Variants in TBC1D26 observed in about 807,000 individuals in gnomAD.
The protein encoded by TBC1D26 is TBC1 domain family, member 26.
In TBC1D26, 19 loss-of-function variants were observed where a neutral mutation model predicts 42.5. The ratio of observed to expected loss-of-function variants is 0.45; its 90% CI spans 0.31 to 0.66. The LOEUF (loss-of-function observed/expected upper bound fraction) is 0.66, where lower values mean the gene tolerates loss of function less well. Among genes scored for constraint, TBC1D26 ranks in the 30% least tolerant of loss-of-function variants. The pLI is 0.06. For synonymous variants in TBC1D26, 97 were observed against 123.5 expected, an observed-to-expected ratio of 0.79 and a Z score of 1.42; for missense variants, 228 against 332.6, an observed-to-expected ratio of 0.69 and a Z score of 2.45.
At chr17:15,740,025 G>C in intron 8 of TBC1D26, 75 bp from the exon 9 acceptor site, 1 of 1,545,380 alleles carries the variant, frequency 6.5e-7, no homozygotes, top group South Asian at 1.2e-5. Context: ...TTCGTTATTT[G>C]GGTTTGTAGA....
intron 1 of TBC1D26, among the ~76,000 whole-genome samples, chr17:15,734,356 G>C (rs1967554203): frequency 6.6e-6 from 1 of 152,144 alleles, no homozygotes; most frequent in Non-Finnish European, 1.5e-5. Context: ...GTCCCCACAG[G>C]AGGAGGTCTC....
intron 9 of TBC1D26, 60 bp from the exon 10 acceptor site, chr17:15,741,062 T>C: frequency 6.3e-7 from 1 of 1,596,588 alleles, no homozygotes; most frequent in Non-Finnish European, 8.5e-7. Flanking sequence ...ACATAAGTCC[T>C]CCCAGGTGGC....
At position 15,738,090 on chromosome 17, in the gene TBC1D26, G is replaced by A; in HGVS notation, c.279+13G>A. On this transcript the variant is annotated intron_variant, in intron 6 of 14. Transcript: ENST00000437605. ...GAGCACCAAGAAGGTAACATGGGGA[G>A]GAAGTGGCCCGCGTGACTGCTCTCT... 6.2e-7 allele frequency: 1 copy of A among 1,614,224 alleles called. No individual in the cohort carries two copies. Among genetic ancestry groups the A allele is most frequent in the South Asian group, 1.1e-5 (1 of 91,080 alleles).
At position 15,740,080 on chromosome 17, in the gene TBC1D26, C is replaced by G. The variant is rs766367747; in HGVS notation, c.498-20C>G. 6 of 1,604,160 alleles carry G rather than the reference C, an allele frequency of 3.7e-6. No homozygotes were observed. In the Admixed American group the frequency reaches 5.1e-5, roughly 14 times the overall value. ...TCTGCACACACACAAAAAAAAAACC[C>G]TCTTTCCCCTCTTTTCTAGGCAGCA... On this transcript the variant is annotated intron_variant, in intron 8 of 14. Coordinates refer to ENST00000437605, the MANE Select transcript of TBC1D26 (RefSeq NM_001388465.1).
intron 10 of TBC1D26, 42 bp from the exon 11 acceptor site, chr17:15,741,900 G>C (rs769032592): frequency 1.3e-6 from 2 of 1,598,214 alleles, no homozygotes; most frequent in East Asian, 4.5e-5. Context: ...TCCACATTTT[G>C]GGCGTGGGGT....
intron 14 of TBC1D26, chr17:15,743,799 T>TAA (rs1374597957): frequency 6.6e-6 from 1 of 151,838 alleles, no homozygotes. Flanking sequence ...CTACTAAAAG[T>TAA]ACAAAAAATT....
At chr17:15,737,802 G>GATGGCATGTC (rs1302979912) in intron 5 of TBC1D26, 195 bp from the exon 6 acceptor site, 1 of 829,268 alleles carries the variant, frequency 1.2e-6, no homozygotes, top group East Asian at 2.7e-5. Context: ...ATGGCCTGAG[G>GATGGCATGTC]ATGGCATGTC....
At position 15,741,964 on chromosome 17, in the gene TBC1D26, C is replaced by G. The variant is rs1269757839; in HGVS notation, c.669C>G (p.Ala223=). 6.2e-7 allele frequency: 1 copy of G among 1,614,104 alleles called. No homozygotes were observed. The highest frequency in any genetic ancestry group is 1.1e-5 in the South Asian group (1 of 91,072). Residue 223 remains alanine, a synonymous_variant, in exon 11 of 15, where the codon GCC becomes GCG. Transcript: ENST00000437605. ...LLAVFYSPNT[A]WLERLLSHQE... ...CAGTATTCTACAGCCCAAATACTGC[C>G]TGGCTCGAGAGGCTCCTATCGCACC...
rs550026100 is a variant in TBC1D26, at chr17:15,743,481, A to G, written c.1022A>G (p.Glu341Gly). The G allele has an allele frequency of 5.6e-5, 56 of 993,414 alleles. No homozygotes were observed. The highest frequency in any genetic ancestry group is 6.4e-5 in the Non-Finnish European group (53 of 833,858). The allele number at this position is 993,414 out of a possible 1,614,324, so 61.5% of individuals were successfully genotyped here. A position where few individuals can be genotyped will look rare whatever the true frequency, so the allele number is the denominator to read the frequency against. Residue 341 changes from glutamate (E) to glycine (G), a missense_variant, in exon 14 of 15, where the codon GAA becomes GGA. Physicochemically the swap from Glu to Gly is moderately conservative, Grantham distance 98. This residue lies in a region of TBC1D26 where 130 missense variants were observed against 168.5 expected (regional missense o/e 0.77). Transcript: ENST00000437605. ...VLRNLQTSMK[E>G]LTKKHWDLPP... ...AGGAACCTTCAAACCTCTATGAAGG[A>G]ACTCACAAAAAAACACTGGGACCTG...
intron 12 of TBC1D26, among the ~76,000 whole-genome samples, 165 bp downstream of exon 12, chr17:15,742,644 T>C (rs1567725402): frequency 6.6e-6 from 1 of 152,190 alleles, no homozygotes; most frequent in Non-Finnish European, 1.5e-5. Context: ...CCCAGCCTCA[T>C]GGGCAGACTG....
At chr17:15,733,908 T>C (rs139583773) in intron 1 of TBC1D26, 138 of 152,208 alleles carry the variant, frequency 9.1e-4, no homozygotes, top group African/African-American at 3.1e-3. Flanking sequence ...CTTTTCTAAG[T>C]GAGAGACACA....
Position 15,735,031 on chromosome 17 carries a change from C to T in TBC1D26, c.-41C>T, listed in dbSNP as rs1967572221. On this transcript the variant is annotated 5_prime_UTR_variant, in exon 2 of 15. Coordinates refer to ENST00000437605, the MANE Select transcript of TBC1D26 (RefSeq NM_001388465.1). The stretch of plus-strand genomic sequence containing the variant: ...CCAGAACAGCCCATCGTGGGGACTT[C>T]ACCCTCAGCAAGTGGACGCCGTTTG... 3 of 435,186 alleles carry T rather than the reference C, an allele frequency of 6.9e-6. No individual in the cohort carries two copies. The highest frequency in any genetic ancestry group is 1.2e-5 in the Non-Finnish European group (3 of 241,816). 27.0% of individuals were successfully genotyped at this position (435,186 alleles called of 1,614,324 possible). A position where few individuals can be genotyped will look rare whatever the true frequency, so the allele number is the denominator to read the frequency against.
intron 5 of TBC1D26, 59 bp from the exon 6 acceptor site, chr17:15,737,938 C>T: frequency 1.2e-6 from 2 of 1,612,024 alleles, no homozygotes; most frequent in Non-Finnish European, 1.7e-6. Context: ...ACCCAGCATC[C>T]ACGGGCCACT....
intron 7 of TBC1D26, 46 bp from the exon 8 acceptor site, chr17:15,738,675 T>C: frequency 6.2e-7 from 1 of 1,613,786 alleles, no homozygotes. Context: ...CAGGGAGTCT[T>C]TTGTCTGTTC....
chr17:15,740,972 G>A (rs1967759692), intron 9 of TBC1D26, 150 bp from the exon 10 acceptor site: 2 of 1,018,890 alleles, frequency 2.0e-6, no homozygotes, highest in Non-Finnish European at 2.9e-6. Flanking sequence ...TCCAGTGCCA[G>A]GGGAGGGGTG....
At chr17:15,742,119 G>A in intron 11 of TBC1D26, 83 bp downstream of exon 11, 2 of 1,192,864 alleles carry the variant, frequency 1.7e-6, no homozygotes, top group Non-Finnish European at 2.4e-6. Flanking sequence ...CATGGGGCTG[G>A]CAAGAGGCTG....
At chr17:15,738,679 T>G (rs1386405710) in intron 7 of TBC1D26, 42 bp from the exon 8 acceptor site, 5 of 1,613,854 alleles carry the variant, frequency 3.1e-6, no homozygotes, top group Non-Finnish European at 4.2e-6. Context: ...GAGTCTTTTG[T>G]CTGTTCTGAG....
chr17:15,741,626 C>T lies in TBC1D26; in HGVS notation c.647-316C>T, dbSNP rs577700537. On this transcript the variant is annotated intron_variant, in intron 10 of 14. Transcript: ENST00000437605. ...CCAAGATGGAAGTGTCTGCCCATCCCATGTCCCCCAGCCTGACCCCCACAT... is the reference window on the plus strand; with the variant it reads ...CCAAGATGGAAGTGTCTGCCCATCCTATGTCCCCCAGCCTGACCCCCACAT... 2.6e-4 allele frequency: 128 copies of T among 484,152 alleles called. No homozygotes were observed. In the Admixed American group the frequency reaches 4.4e-3, roughly 17 times the overall value. The allele number at this position is 484,152 out of a possible 1,614,324, so 30.0% of individuals were successfully genotyped here.
At chr17:15,740,382 C>T (rs2151502059) in intron 9 of TBC1D26, 1 of 1,450,416 alleles carries the variant, frequency 6.9e-7, no homozygotes, top group Middle Eastern at 2.3e-4. Flanking sequence ...CTGGTGTTGC[C>T]CCAAAGCCTA....
Sources: gnomAD v4.1 joint callset for allele counts (sites outside exome capture counted in the v4.1 genomes callset) on GRCh38, gnomAD v4.1.1 for gene constraint, gnomAD v4.1.1 regional missense constraint, MANE v1.5 for transcripts, NCBI Gene and HGNC (gene_info 2026-07-23, HGNC 2026-07-21) for gene names.